Variants in PKD1L1 observed in about 807,000 individuals in gnomAD.
PKD1L1 encodes the protein polycystin-1-like protein 1.
A neutral mutation model predicts 323.4 loss-of-function variants in PKD1L1; 236 were observed. That is an observed-to-expected ratio of 0.73 (90% confidence interval 0.66 to 0.81). The LOEUF (loss-of-function observed/expected upper bound fraction) is 0.81, where lower values mean the gene tolerates loss of function less well. Ranked by LOEUF, PKD1L1 falls within the 40% of genes least tolerant of loss-of-function variation. The probability of loss-of-function intolerance (pLI) is 0.00; values close to 1 mark genes in which losing one functional copy is unlikely to be tolerated. For missense variants in PKD1L1, 3,320 were observed against 3,508.0 expected (o/e 0.95, Z 1.35); for synonymous variants, 1,344 against 1,335.0 (o/e 1.01, Z -0.15).
chr7:47,796,503 C>T (rs1303649967), intron 54 of PKD1L1, among the ~76,000 whole-genome samples: 1 of 152,130 alleles, frequency 6.6e-6, no homozygotes, highest in African/African-American at 2.4e-5. Context: ...TGTGGGTGAG[C>T]CTCAGGAGAG....
upstream of PKD1L1, chr7:47,948,496 TCCTCTG>T: frequency 6.4e-7 from 1 of 1,555,786 alleles, no homozygotes; most frequent in Admixed American, 1.7e-5. Context: ...TCTTCCTACA[TCCTCTG>T]GAAGACAAAG....
chr7:47,862,317 A>G (rs1213130580), intron 26 of PKD1L1, among the ~76,000 whole-genome samples: 2 of 152,204 alleles, frequency 1.3e-5, no homozygotes, highest in Non-Finnish European at 2.9e-5. Flanking sequence ...AGAGAGGTGA[A>G]TGATGATGCC....
intron 26 of PKD1L1, among the ~76,000 whole-genome samples, chr7:47,859,666 G>A (rs912013090): frequency 7.1e-6 from 1 of 140,002 alleles, no homozygotes; most frequent in African/African-American, 2.7e-5. Context: ...TGACTCTATC[G>A]CCCAGGCTGG....
intron 25 of PKD1L1, among the ~76,000 whole-genome samples, chr7:47,865,982 T>C (rs1284788517): frequency 6.6e-6 from 1 of 152,218 alleles, no homozygotes; most frequent in Non-Finnish European, 1.5e-5. Context: ...AAATAAGATA[T>C]ATTCTTTGTA....
intron 2 of PKD1L1, among the ~76,000 whole-genome samples, chr7:47,943,159 AAAAAATATATATAT>A (rs1157558675): frequency 2.8e-4 from 21 of 73,734 alleles, no homozygotes; most frequent in African/African-American, 4.9e-4. Context: ...AAAAAAAAAA[AAAAAATATATATAT>A]ATATATATAT....
At chr7:47,822,646 A>G (rs116746229) in intron 45 of PKD1L1, among the ~76,000 whole-genome samples, 1 of 151,442 alleles carries the variant, frequency 6.6e-6, no homozygotes, top group Non-Finnish European at 1.5e-5. Context: ...TTGAAACTAC[A>G]GATCAAATTA....
chr7:47,911,309 C>A (rs1787317588), intron 8 of PKD1L1, among the ~76,000 whole-genome samples: 1 of 152,168 alleles, frequency 6.6e-6, no homozygotes, highest in Non-Finnish European at 1.5e-5. Context: ...CTTCCTGAAG[C>A]CTCCCCAGAA....
chr7:47,798,872 C>CAAA (rs1784601433), intron 54 of PKD1L1, among the ~76,000 whole-genome samples: 1 of 151,454 alleles, frequency 6.6e-6, no homozygotes, highest in Non-Finnish European at 1.5e-5. Flanking sequence ...ACACCAACAG[C>CAAA]AAAATCCATA....
At chr7:47,830,744 C>T (rs917484004) in intron 42 of PKD1L1, among the ~76,000 whole-genome samples, 23 of 152,240 alleles carry the variant, frequency 1.5e-4, no homozygotes, top group South Asian at 4.1e-4. Context: ...TCTCCGATGG[C>T]GAGTCCAAGC....
Position 47,857,824 on chromosome 7 carries a change from G to C in PKD1L1, c.4371C>G (p.Leu1457=), listed in dbSNP as rs1785938700. 1 of 1,614,110 alleles carries C rather than the reference G, an allele frequency of 6.2e-7. No homozygotes were observed. Among genetic ancestry groups the C allele is most frequent in the Non-Finnish European group, 8.5e-7 (1 of 1,179,980 alleles). The change falls in exon 28 of 57, where the codon CTC becomes CTG. Residue 1457 remains leucine, a synonymous_variant. Transcript: ENST00000289672. ...TVISDLLLGC[L]SLNHVSTGQM... ...GCCCAGTGCTAACATGGTTCAAAGAGAGACAACCCTGAAACATAGAGCATA... is the reference window on the plus strand; with the variant it reads ...GCCCAGTGCTAACATGGTTCAAAGACAGACAACCCTGAAACATAGAGCATA...
intron 8 of PKD1L1, among the ~76,000 whole-genome samples, chr7:47,915,059 CA>C (rs1363091210): frequency 4.6e-5 from 7 of 151,564 alleles, no homozygotes; most frequent in Admixed American, 4.6e-4. Flanking sequence ...AAGCAGTTCA[CA>C]AAAGAGGCCA....
At chr7:47,886,925 A>C (rs1267593881) in intron 17 of PKD1L1, among the ~76,000 whole-genome samples, 1 of 152,222 alleles carries the variant, frequency 6.6e-6, no homozygotes, top group Non-Finnish European at 1.5e-5. Flanking sequence ...AAAGAAAAAA[A>C]TACCATGAGC....
chr7:47,873,467 T>A (rs1279600686), intron 24 of PKD1L1, among the ~76,000 whole-genome samples: 1 of 151,750 alleles, frequency 6.6e-6, no homozygotes, highest in African/African-American at 2.4e-5. Context: ...ACCAACATGG[T>A]GAAACCCCAT....
At chr7:47,953,097 A>C (rs957529740), upstream of PKD1L1, among the ~76,000 whole-genome samples, 3 of 152,152 alleles carry the variant, frequency 2.0e-5, no homozygotes, top group African/African-American at 4.8e-5. Context: ...CACAGTAGGA[A>C]TCATCTTTCA....
chr7:47,847,380 C>T (rs977208888), intron 31 of PKD1L1, among the ~76,000 whole-genome samples: 3 of 152,152 alleles, frequency 2.0e-5, no homozygotes, highest in East Asian at 1.9e-4. Context: ...GGCCACACCC[C>T]CTGACCTTAG....
At chr7:47,941,402 A>T (rs1427206152) in intron 2 of PKD1L1, among the ~76,000 whole-genome samples, 1 of 152,142 alleles carries the variant, frequency 6.6e-6, no homozygotes, top group Non-Finnish European at 1.5e-5. Flanking sequence ...CAATCCCTGC[A>T]CCCCAGCAGT....
intron 53 of PKD1L1, 105 bp downstream of exon 53, chr7:47,803,105 G>A (rs1045795998): frequency 1.9e-5 from 26 of 1,388,668 alleles, no homozygotes; most frequent in Non-Finnish European, 2.6e-5. Flanking sequence ...ATTCTAGACG[G>A]TGTTTAACCT....
the PKD1L1 span, among the ~76,000 whole-genome samples, chr7:47,956,425 C>T: frequency 6.6e-6 from 1 of 152,164 alleles, no homozygotes; most frequent in South Asian, 2.1e-4. Context: ...GTGGGGCTCA[C>T]AGCAGTCAAC....
chr7:47,924,889 G>A (rs529249488), intron 7 of PKD1L1, among the ~76,000 whole-genome samples: 1 of 152,262 alleles, frequency 6.6e-6, no homozygotes, highest in Non-Finnish European at 1.5e-5. Flanking sequence ...CACTGTTCTG[G>A]CAGTATCAGC....
Sources: gnomAD v4.1 joint callset for allele counts (sites outside exome capture counted in the v4.1 genomes callset) on GRCh38, gnomAD v4.1.1 for gene constraint, MANE v1.5 for transcripts, NCBI Gene and HGNC (gene_info 2026-07-23, HGNC 2026-07-21) for gene names.